Variants in PKHD1 observed in about 807,000 individuals in gnomAD.
PKHD1 encodes fibrocystin.
In PKHD1, 291 loss-of-function variants were observed where a neutral mutation model predicts 412.0. That is an observed-to-expected ratio of 0.71 (90% confidence interval 0.64 to 0.78). The LOEUF (loss-of-function observed/expected upper bound fraction) is 0.78. Among genes scored for constraint, PKHD1 ranks in the 30% least tolerant of loss-of-function variants. The pLI is 0.00. For synonymous variants in PKHD1, 1,777 were observed against 1,821.5 expected, an observed-to-expected ratio of 0.98 and a Z score of 0.62; for missense variants, 4,825 against 4,950.7, an observed-to-expected ratio of 0.97 and a Z score of 0.76.
intron 10 of PKHD1, among the ~76,000 whole-genome samples, chr6:52,070,078 A>G (rs973951512): frequency 2.6e-5 from 4 of 152,222 alleles, no homozygotes; most frequent in Admixed American, 2.0e-4. Context: ...CCTAGATGGT[A>G]CAATGTATTT....
chr6:51,730,401 GT>G (rs1582328240), intron 60 of PKHD1, among the ~76,000 whole-genome samples: 1 of 152,016 alleles, frequency 6.6e-6, no homozygotes, highest in East Asian at 1.9e-4. Flanking sequence ...TTTCTGAATT[GT>G]TTTTTCTCCC....
chr6:51,669,030 A>G (rs1361698736), intron 60 of PKHD1, among the ~76,000 whole-genome samples: 1 of 152,120 alleles, frequency 6.6e-6, no homozygotes, highest in Non-Finnish European at 1.5e-5. Flanking sequence ...GTCTCTGCCC[A>G]GCTTTGGTAT....
chr6:52,015,386 A>C lies in PKHD1; in HGVS notation c.5600+2024T>G, dbSNP rs534228886. Among the ~76,000 whole-genome samples the C allele has an allele frequency of 2.0e-5, 3 of 152,332 alleles. No individual in the cohort carries two copies. In the East Asian group the frequency reaches 5.8e-4, roughly 29 times the overall value. On this transcript the variant is annotated intron_variant, in intron 34 of 66. Coordinates refer to ENST00000371117, the MANE Select transcript of PKHD1 (RefSeq NM_138694.4). ...TATAAAGAATTTAAGGTTATTCGTG[A>C]ATCGGCAAATTGTCCTCTGACGATT...
At chr6:51,811,379 T>C (rs1764657900) in intron 52 of PKHD1, among the ~76,000 whole-genome samples, 2 of 152,212 alleles carry the variant, frequency 1.3e-5, no homozygotes, top group Admixed American at 1.3e-4. Context: ...GGTAATTCAA[T>C]AAATTATACC....
intron 36 of PKHD1, among the ~76,000 whole-genome samples, chr6:51,958,838 C>A (rs989770195): frequency 1.3e-5 from 2 of 151,442 alleles, no homozygotes; most frequent in African/African-American, 2.4e-5. Context: ...CACACACACA[C>A]AAACACACAC....
intron 29 of PKHD1, 52 bp from the exon 30 acceptor site, chr6:52,028,403 A>G: frequency 6.6e-7 from 1 of 1,519,760 alleles, no homozygotes; most frequent in African/African-American, 1.4e-5. Context: ...TGTGGGCTCA[A>G]CCATCTATTC....
chr6:51,659,206 G>T lies in PKHD1; in HGVS notation c.10920C>A (p.Leu3640=), dbSNP rs1319220103. Residue 3640 remains leucine, a synonymous_variant, in exon 61 of 67, where the codon CTC becomes CTA. Transcript: ENST00000371117. ...HYRRVGQRRP[L]MMEMNSHRAS... ...CCCTATGTGAGTTCATTTCCATCAT[G>T]AGAGGCCTACGTTGACCAACTCTTC... 6.2e-7 allele frequency: 1 copy of T among 1,613,840 alleles called. No individual in the cohort carries two copies. Among genetic ancestry groups the T allele is most frequent in the East Asian group, 2.2e-5 (1 of 44,848 alleles).
chr6:51,800,632 T>C (rs1246281707), intron 52 of PKHD1, among the ~76,000 whole-genome samples: 1 of 152,238 alleles, frequency 6.6e-6, no homozygotes, highest in Non-Finnish European at 1.5e-5. Flanking sequence ...TCCAAGGGTC[T>C]GACACTTGTC....
At chr6:51,974,505 C>A (rs1237107968) in intron 35 of PKHD1, among the ~76,000 whole-genome samples, 3 of 152,058 alleles carry the variant, frequency 2.0e-5, no homozygotes, top group Non-Finnish European at 2.9e-5. Flanking sequence ...AAGAAGACAC[C>A]CAAAGTATGT....
intron 50 of PKHD1, among the ~76,000 whole-genome samples, chr6:51,844,683 A>T (rs1770846668): frequency 6.6e-6 from 1 of 152,130 alleles, no homozygotes; most frequent in Non-Finnish European, 1.5e-5. Flanking sequence ...ATTTTTCTAA[A>T]ACTTCCTATC....
chr6:51,974,983 ACTAACACCTT>A (rs1794181466), intron 35 of PKHD1, among the ~76,000 whole-genome samples: 1 of 152,182 alleles, frequency 6.6e-6, no homozygotes, highest in South Asian at 2.1e-4. Context: ...AATCAACCTT[ACTAACACCTT>A]GATGTTAGAT....
At chr6:51,799,808 T>C (rs771250243) in intron 52 of PKHD1, among the ~76,000 whole-genome samples, 1 of 152,286 alleles carries the variant, frequency 6.6e-6, no homozygotes. Context: ...ATCCTTTCCA[T>C]AAAATTACTC....
chr6:51,679,406 A>C (rs1005804148), intron 60 of PKHD1, among the ~76,000 whole-genome samples: 6 of 151,914 alleles, frequency 3.9e-5, no homozygotes, highest in African/African-American at 1.4e-4. Context: ...TGAAAGAATT[A>C]GTCAAATAAA....
intron 35 of PKHD1, among the ~76,000 whole-genome samples, chr6:52,002,755 A>T (rs1562103992): frequency 1.3e-5 from 2 of 152,218 alleles, no homozygotes; most frequent in Admixed American, 1.3e-4. Flanking sequence ...GATTTCTGTA[A>T]TAGGAGAAAC....
chr6:51,671,281 A>G (rs865982834), intron 60 of PKHD1, among the ~76,000 whole-genome samples: 13 of 151,672 alleles, frequency 8.6e-5, no homozygotes, highest in African/African-American at 2.4e-4. Flanking sequence ...TTCCCTTCTC[A>G]CTTCATTTCA....
At position 51,887,203 on chromosome 6, in the gene PKHD1, G is replaced by T. The variant is rs576250055; in HGVS notation, c.7039C>A (p.Leu2347Ile). Residue 2347 changes from leucine (L) to isoleucine (I), a missense_variant, in exon 44 of 67, where the codon CTC (leucine) becomes ATC (isoleucine). Transcript: ENST00000371117. Reference sequence around the variant, plus strand: ...GCTTGTGATGTTTGGTTGGTCATGAGATGGAAAAAGTAGCCATAGCCAGCA... The same window carrying T: ...GCTTGTGATGTTTGGTTGGTCATGATATGGAAAAAGTAGCCATAGCCAGCA... ...CGAGYGYFFHLMTNQTSQAPL... is the reference protein window; with the variant it reads ...CGAGYGYFFHIMTNQTSQAPL... The T allele has an allele frequency of 2.9e-5, 47 of 1,613,362 alleles. No homozygotes were observed. The highest frequency in any genetic ancestry group is 1.7e-4 in the Middle Eastern group (1 of 6,060).
chr6:52,013,768 A>G (rs189860174), intron 34 of PKHD1, among the ~76,000 whole-genome samples: 193 of 152,284 alleles, frequency 1.3e-3, no homozygotes, highest in African/African-American at 4.4e-3. Flanking sequence ...CTGACTCCCA[A>G]ACTATTGTTC....
At chr6:51,865,150 G>A (rs767188763) in intron 48 of PKHD1, among the ~76,000 whole-genome samples, 1 of 152,090 alleles carries the variant, frequency 6.6e-6, no homozygotes, top group Non-Finnish European at 1.5e-5. Context: ...GGAAAGGAAC[G>A]CTATCCAGAA....
At chr6:51,626,865 G>C in intron 66 of PKHD1, 132 bp downstream of exon 66, 2 of 899,404 alleles carry the variant, frequency 2.2e-6, no homozygotes, top group Non-Finnish European at 3.7e-6. Context: ...TAATTTCTTT[G>C]AAGGAAAGTA....
Sources: allele counts gnomAD v4.1 joint callset (sites outside exome capture counted in the v4.1 genomes callset), GRCh38; gene constraint gnomAD v4.1.1; transcripts MANE v1.5; gene names NCBI Gene and HGNC (gene_info 2026-07-23, HGNC 2026-07-21).